Variants in RALGAPA2 observed in about 807,000 individuals in gnomAD.
RALGAPA2 encodes the protein Ral GTPase activating protein catalytic subunit alpha 2, also known as ral GTPase-activating protein subunit alpha-2.
Under a neutral mutation model 230.4 loss-of-function variants are expected in RALGAPA2, and 139 were observed. The observed-to-expected ratio is 0.60, with a 90% CI of 0.53 to 0.69. The LOEUF (loss-of-function observed/expected upper bound fraction) is 0.69, where lower values mean the gene tolerates loss of function less well. Ranked by LOEUF, RALGAPA2 falls within the 30% of genes least tolerant of loss-of-function variation. The probability of loss-of-function intolerance (pLI) is 0.00; values close to 1 mark genes in which losing one functional copy is unlikely to be tolerated. For synonymous variants in RALGAPA2, 847 were observed against 837.8 expected (o/e 1.01, Z -0.19); for missense variants, 2,163 against 2,276.0 (o/e 0.95, Z 1.01).
At chr20:20,414,143 A>T (rs1273623479) in intron 37 of RALGAPA2, among the ~76,000 whole-genome samples, 1 of 152,222 alleles carries the variant, frequency 6.6e-6, no homozygotes, top group East Asian at 1.9e-4. Context: ...AGGCGTGACA[A>T]ATTACTCAAA....
intron 31 of RALGAPA2, among the ~76,000 whole-genome samples, chr20:20,514,896 T>A (rs1208930131): frequency 6.6e-6 from 1 of 152,236 alleles, no homozygotes; most frequent in Non-Finnish European, 1.5e-5. Flanking sequence ...GGTGCCCCTC[T>A]GCCTGTGCAG....
chr20:20,617,286 A>C (rs552878972), intron 12 of RALGAPA2, among the ~76,000 whole-genome samples: 2 of 152,346 alleles, frequency 1.3e-5, no homozygotes, highest in South Asian at 4.1e-4. Context: ...GGATGAACTA[A>C]AATATTCACA....
At chr20:20,531,376 C>T (rs187174268) in intron 27 of RALGAPA2, among the ~76,000 whole-genome samples, 72 of 152,292 alleles carry the variant, frequency 4.7e-4, no homozygotes, top group African/African-American at 1.7e-3. Flanking sequence ...GGCCAGAGCA[C>T]GACACCCCAC....
chr20:20,570,242 T>A (rs2064583773), intron 23 of RALGAPA2, among the ~76,000 whole-genome samples: 2 of 152,214 alleles, frequency 1.3e-5, no homozygotes, highest in African/African-American at 4.8e-5. Context: ...TGGTTATTAT[T>A]TCATATAAGA....
chr20:20,512,196 A>G (rs2062725382), intron 32 of RALGAPA2, among the ~76,000 whole-genome samples: 2 of 150,844 alleles, frequency 1.3e-5, no homozygotes, highest in African/African-American at 2.5e-5. Context: ...TCAAAAAACA[A>G]AAAACAAACA....
intron 4 of RALGAPA2, 105 bp from the exon 5 acceptor site, chr20:20,643,654 A>G (rs1222203106): frequency 9.2e-7 from 1 of 1,086,860 alleles, no homozygotes. Context: ...TTTTAAAAAT[A>G]AAAGGAAGAA....
chr20:20,411,268 T>G (rs549454612), intron 38 of RALGAPA2, among the ~76,000 whole-genome samples: 2 of 152,178 alleles, frequency 1.3e-5, no homozygotes, highest in African/African-American at 4.8e-5. Context: ...TGTAATTATA[T>G]GCAGAAATTT....
At chr20:20,462,379 T>C (rs894423274) in intron 37 of RALGAPA2, among the ~76,000 whole-genome samples, 10 of 152,138 alleles carry the variant, frequency 6.6e-5, no homozygotes, top group African/African-American at 2.4e-4. Context: ...TTAAAGTGCA[T>C]CTGGACTCCC....
At chr20:20,575,943 G>A (rs557226841) in intron 20 of RALGAPA2, among the ~76,000 whole-genome samples, 6 of 152,068 alleles carry the variant, frequency 3.9e-5, no homozygotes, top group Non-Finnish European at 8.8e-5. Context: ...ATTTGTGTTT[G>A]TTCACTCTAC....
At chr20:20,613,576 A>G (rs2066039536) in intron 13 of RALGAPA2, among the ~76,000 whole-genome samples, 1 of 152,184 alleles carries the variant, frequency 6.6e-6, no homozygotes, top group South Asian at 2.1e-4. Context: ...TTTGGTCTGC[A>G]GGGCCCTGAG....
At chr20:20,659,023 T>C (rs982505371) in intron 3 of RALGAPA2, among the ~76,000 whole-genome samples, 8 of 152,078 alleles carry the variant, frequency 5.3e-5, no homozygotes, top group African/African-American at 1.9e-4. Flanking sequence ...TTCCCCAAAC[T>C]AGCTGCAGGA....
In RALGAPA2 at chr20:20,412,041, G is replaced by T. The variant is rs775832626; in HGVS notation, c.5603C>A (p.Ser1868Tyr). 2 of 1,614,004 alleles carry T rather than the reference G, an allele frequency of 1.2e-6. No individual in the cohort carries two copies. The highest frequency in any genetic ancestry group is 1.7e-6 in the Non-Finnish European group (2 of 1,179,878). ...AQVFSPSPSYSLSGTD is the reference protein window; with the variant it reads ...AQVFSPSPSYYLSGTD ...TAGACACTCACCCGTTCCGCTGAGG[G>T]AGTAGCTGGGAGAGGGAGAAAAGAC... The change falls in exon 38 of 40, where the codon TCC (serine) becomes TAC (tyrosine). Residue 1868 changes from serine (S) to tyrosine (Y), a missense_variant. Physicochemically the swap from Ser to Tyr is moderately radical, Grantham distance 144. Transcript: ENST00000202677.
chr20:20,573,770 T>A (rs1602882774), intron 20 of RALGAPA2, among the ~76,000 whole-genome samples: 1 of 152,360 alleles, frequency 6.6e-6, no homozygotes, highest in African/African-American at 2.4e-5. Context: ...GTTGTGGGTA[T>A]CAGTTGTCTC....
At chr20:20,711,349 T>G (rs2069855076) in intron 1 of RALGAPA2, among the ~76,000 whole-genome samples, 1 of 152,222 alleles carries the variant, frequency 6.6e-6, no homozygotes, top group Non-Finnish European at 1.5e-5. Context: ...TTTTGTGAAT[T>G]TTGGGACTAA....
intron 37 of RALGAPA2, among the ~76,000 whole-genome samples, chr20:20,460,308 G>A (rs566809367): frequency 5.3e-5 from 8 of 152,266 alleles, no homozygotes; most frequent in African/African-American, 1.7e-4. Context: ...CCTCATTTTA[G>A]AGTAAGGAAA....
chr20:20,541,600 G>A (rs539716084), intron 24 of RALGAPA2, among the ~76,000 whole-genome samples: 3 of 152,310 alleles, frequency 2.0e-5, no homozygotes, highest in South Asian at 4.1e-4. Flanking sequence ...CGGGCAGGAT[G>A]GGCCAGGACA....
At chr20:20,428,616 A>C (rs2060436587) in intron 37 of RALGAPA2, among the ~76,000 whole-genome samples, 1 of 152,196 alleles carries the variant, frequency 6.6e-6, no homozygotes, top group Admixed American at 6.5e-5. Flanking sequence ...CAAGGCCAGG[A>C]GGCTGGACAT....
rs6046881 is a variant in RALGAPA2, at chr20:20,466,328, T to C, written c.5495+6501A>G. Among the ~76,000 whole-genome samples the C allele has an allele frequency of 2.1e-3, 320 of 152,352 alleles. 1 individual carries two copies. Among genetic ancestry groups the C allele is most frequent in the African/African-American group, 7.2e-3 (300 of 41,588 alleles). ...TTTTTGGTAATGTGAGGAGGACAAC[T>C]GCAGTTAAAACAAAGCCCATCTGTG... is the stretch of plus-strand genomic sequence containing the variant. On this transcript the variant is annotated intron_variant, in intron 37 of 39. Coordinates refer to ENST00000202677, the MANE Select transcript of RALGAPA2 (RefSeq NM_020343.4).
Position 20,494,244 on chromosome 20 carries a change from G to C in RALGAPA2, c.5367+873C>G, listed in dbSNP as rs1280585043. Among the ~76,000 whole-genome samples, 3 of 152,138 alleles carry C rather than the reference G, an allele frequency of 2.0e-5. No homozygotes were observed. The East Asian group carries it at 5.8e-4, about 29-fold the overall frequency. ...CCTATTATTTCAAAGCTTTAAAAGAGAGTTTTCAGAAGGGTAACTTTCAGC... is the reference window on the plus strand; with the variant it reads ...CCTATTATTTCAAAGCTTTAAAAGACAGTTTTCAGAAGGGTAACTTTCAGC... On this transcript the variant is annotated intron_variant, in intron 36 of 39. Coordinates refer to ENST00000202677, the MANE Select transcript of RALGAPA2 (RefSeq NM_020343.4).
Sources: gnomAD v4.1 joint callset for allele counts (sites outside exome capture counted in the v4.1 genomes callset) on GRCh38, gnomAD v4.1.1 for gene constraint, MANE v1.5 for transcripts, NCBI Gene and HGNC (gene_info 2026-07-23, HGNC 2026-07-21) for gene names.